RREB1: variants seen among roughly 807,000 people sequenced by gnomAD.
The protein encoded by RREB1 is ras responsive element binding protein 1.
A neutral mutation model predicts 117.8 loss-of-function variants in RREB1; 27 were observed. The observed-to-expected ratio is 0.23, with a 90% CI of 0.17 to 0.32. The LOEUF is 0.32. Among genes scored for constraint, RREB1 ranks in the 10% least tolerant of loss-of-function variants. The probability of loss-of-function intolerance (pLI) is 1.00; values close to 1 mark genes in which losing one functional copy is unlikely to be tolerated. For missense variants in RREB1, 2,577 were observed against 2,378.2 expected, an observed-to-expected ratio of 1.08 and a Z score of -1.74; for synonymous variants, 1,298 against 1,026.7, an observed-to-expected ratio of 1.26 and a Z score of -5.05.
chr6:7,122,858 A>C (rs1761736228), intron 1 of RREB1, among the ~76,000 whole-genome samples: 1 of 152,106 alleles, frequency 6.6e-6, no homozygotes, highest in Non-Finnish European at 1.5e-5. Context: ...AATATCCAAA[A>C]TTGGGGGTGA....
At position 7,240,453 on chromosome 6, in the gene RREB1, C is replaced by T; in HGVS notation, c.3824C>T (p.Pro1275Leu). The T allele has an allele frequency of 6.2e-7, 1 of 1,613,356 alleles. No individual in the cohort carries two copies. The highest frequency in any genetic ancestry group is 1.1e-5 in the South Asian group (1 of 90,948). Reference protein sequence around the residue: ...MLTHTGQKPFPCQKCDAFFST... With the variant: ...MLTHTGQKPFLCQKCDAFFST... Reference sequence around the variant, plus strand: ...CCTGCTTCAGGTCAGAAACCCTTCCCTTGTCAAAAATGCGATGCCTTCTTT... The same window carrying T: ...CCTGCTTCAGGTCAGAAACCCTTCCTTTGTCAAAAATGCGATGCCTTCTTT... The change falls in exon 11 of 13, where the codon CCT becomes CTT. Residue 1275 changes from proline (P) to leucine (L), a missense_variant. Transcript: ENST00000379938.
chr6:7,245,591 A>G (rs1178676512), intron 11 of RREB1, among the ~76,000 whole-genome samples: 3 of 152,182 alleles, frequency 2.0e-5, no homozygotes, highest in Non-Finnish European at 2.9e-5. Flanking sequence ...ACTGTTGAAA[A>G]CTGATAGGCT....
At position 7,229,986 on chromosome 6, in the gene RREB1, G is replaced by A. The variant is rs111355837; in HGVS notation, c.1887G>A (p.Ala629=). The change falls in exon 10 of 13, where the codon GCG becomes GCA. Residue 629 remains alanine (A), a synonymous_variant. Coordinates refer to ENST00000379938, the MANE Select transcript of RREB1 (RefSeq NM_001003699.4). The surrounding 1 kb of genome is among the most constrained non-coding windows in gnomAD (Gnocchi z 4.5). ...TEGELKAFMT[A]PGGKKTPAMR... ...GGGAACTCAAGGCCTTCATGACAGC[G>A]CCCGGCGGCAAGAAGACGCCCGCCA... The A allele has an allele frequency of 6.3e-5, 102 of 1,607,436 alleles. 1 individual carries two copies. The African/African-American group carries it at 8.0e-4, about 13-fold the overall frequency.
At chr6:7,228,904 A>G (rs1767743178) in intron 9 of RREB1, 93 bp from the exon 10 acceptor site, 3 of 1,186,606 alleles carry the variant, frequency 2.5e-6, no homozygotes. Context: ...ACTGGGATAA[A>G]TGTACAACAA....
Position 7,210,849 on chromosome 6 carries a change from A to T in RREB1, c.471A>T (p.Thr157=). Residue 157 remains threonine, a synonymous_variant, in exon 7 of 13, where the codon ACA becomes ACT. Coordinates refer to ENST00000379938, the MANE Select transcript of RREB1 (RefSeq NM_001003699.4). ...AGGACCCTAACAGTGCCACAGCCAC[A>T]GCCCCTCCATCTCCTCTGAAACGTA... is the stretch of plus-strand genomic sequence containing the variant. ...HEKDPNSATA[T]APPSPLKRRR... 2 of 1,614,112 alleles carry T rather than the reference A, an allele frequency of 1.2e-6. No homozygotes were observed. Among genetic ancestry groups the T allele is most frequent in the Non-Finnish European group, 1.7e-6 (2 of 1,179,922 alleles).
chr6:7,141,724 C>A (rs1378061859), intron 1 of RREB1, among the ~76,000 whole-genome samples: 1 of 152,202 alleles, frequency 6.6e-6, no homozygotes, highest in African/African-American at 2.4e-5. Context: ...CTCCTTTAAG[C>A]CTTTTTTGAC....
At chr6:7,178,018 C>T (rs1441751303) in intron 2 of RREB1, among the ~76,000 whole-genome samples, 1 of 152,032 alleles carries the variant, frequency 6.6e-6, no homozygotes, top group East Asian at 1.9e-4. Flanking sequence ...CCACTGTGCC[C>T]GGCCCCGGCT....
At chr6:7,133,117 G>A (rs942563959) in intron 1 of RREB1, among the ~76,000 whole-genome samples, 4 of 152,126 alleles carry the variant, frequency 2.6e-5, no homozygotes, top group Admixed American at 2.6e-4. Flanking sequence ...GTAGAGCATT[G>A]CACTGGAAGG....
intron 3 of RREB1, 72 bp downstream of exon 3, chr6:7,181,318 T>A (rs1764783192): frequency 1.3e-5 from 5 of 399,864 alleles, no homozygotes; most frequent in Middle Eastern, 6.3e-4. Context: ...ACATATTTTT[T>A]AAGAAACAGG....
chr6:7,160,176 T>A (rs1278700970), intron 1 of RREB1, among the ~76,000 whole-genome samples: 1 of 151,962 alleles, frequency 6.6e-6, no homozygotes, highest in African/African-American at 2.4e-5. Flanking sequence ...GCTACTTGAG[T>A]TCAGTGGTAC....
chr6:7,228,967 C>A, intron 9 of RREB1, 30 bp from the exon 10 acceptor site: 2 of 1,478,466 alleles, frequency 1.4e-6, no homozygotes, highest in South Asian at 3.0e-5. Flanking sequence ...CACATGTGTT[C>A]CCTTGCTTTT....
intron 1 of RREB1, among the ~76,000 whole-genome samples, chr6:7,150,267 A>C: frequency 6.6e-6 from 1 of 152,166 alleles, no homozygotes; most frequent in Non-Finnish European, 1.5e-5. Context: ...AATCAGATTA[A>C]TAGATACATT....
At chr6:7,222,925 A>G (rs1767346275) in intron 8 of RREB1, among the ~76,000 whole-genome samples, 1 of 152,204 alleles carries the variant, frequency 6.6e-6, no homozygotes, top group African/African-American at 2.4e-5. Flanking sequence ...CTAAATATTC[A>G]TAACCAATAG....
chr6:7,197,064 A>G (rs1255565478), intron 6 of RREB1, among the ~76,000 whole-genome samples: 3 of 152,334 alleles, frequency 2.0e-5, no homozygotes, highest in Non-Finnish European at 2.9e-5. Flanking sequence ...GGAGAGCTCA[A>G]TGTAGGAAAA....
intron 1 of RREB1, among the ~76,000 whole-genome samples, chr6:7,164,284 C>G (rs1418820052): frequency 6.6e-6 from 1 of 152,130 alleles, no homozygotes; most frequent in African/African-American, 2.4e-5. Flanking sequence ...ATCATCAATC[C>G]CCACTGCCCA....
intron 1 of RREB1, among the ~76,000 whole-genome samples, chr6:7,149,111 C>T (rs1763000396): frequency 1.3e-5 from 2 of 152,062 alleles, no homozygotes; most frequent in Admixed American, 1.3e-4. Flanking sequence ...TTAGTAGAGT[C>T]GGGGTTTCAC....
chr6:7,232,562 C>T (rs1406409957), intron 10 of RREB1, among the ~76,000 whole-genome samples: 4 of 152,108 alleles, frequency 2.6e-5, no homozygotes, highest in Non-Finnish European at 5.9e-5. Context: ...AAACTTCTCT[C>T]AGAAGGGCCT....
chr6:7,111,240 G>A (rs888005119), intron 1 of RREB1, among the ~76,000 whole-genome samples: 3 of 152,196 alleles, frequency 2.0e-5, no homozygotes, highest in Non-Finnish European at 2.9e-5. Flanking sequence ...GAACTGTTGC[G>A]TTATTCCACT....
rs4053178 is a variant in RREB1, at chr6:7,249,062, TGAGAGAGAGAGA to T, written c.*125_*136del. ...TCAGTGCCCTTTGGCTGTTGAGGAG[TGAGAGAGAGAGA>T]GAGAGAGAGAGAGAGAGAGAGAGAG... On this transcript the variant is annotated 3_prime_UTR_variant, in exon 13 of 13. Coordinates refer to ENST00000379938, the MANE Select transcript of RREB1 (RefSeq NM_001003699.4). 13,519 of 566,828 alleles carry T rather than the reference TGAGAGAGAGAGA, an allele frequency of 0.024. 49 individuals carry two copies. The highest frequency in any genetic ancestry group is 0.059 in the East Asian group (1,919 of 32,442). 35.1% of individuals were successfully genotyped at this position (566,828 alleles called of 1,614,324 possible).
Sources: allele counts gnomAD v4.1 joint callset (sites outside exome capture counted in the v4.1 genomes callset), GRCh38; gene constraint gnomAD v4.1.1; non-coding constraint Gnocchi (gnomAD v3.1); transcripts MANE v1.5; gene names NCBI Gene and HGNC (gene_info 2026-07-23, HGNC 2026-07-21).